Variants in GPM6A observed in about 807,000 individuals in gnomAD.
GPM6A encodes the protein glycoprotein M6A.
Under a neutral mutation model 32.1 loss-of-function variants are expected in GPM6A, and 7 were observed. That is an observed-to-expected ratio of 0.22 (90% CI 0.12 to 0.41). The LOEUF (loss-of-function observed/expected upper bound fraction) is 0.41. Ranked by LOEUF, GPM6A falls within the 10% of genes least tolerant of loss-of-function variation. The pLI, the probability that GPM6A is intolerant of heterozygous loss-of-function variation, is 1.00. For missense variants in GPM6A, 235 were observed against 347.2 expected (o/e 0.68, Z 2.57); for synonymous variants, 130 against 123.4 (o/e 1.05, Z -0.35).
chr4:175,765,743 G>A (rs1732938228), intron 1 of GPM6A, among the ~76,000 whole-genome samples: 1 of 152,152 alleles, frequency 6.6e-6, no homozygotes, highest in Non-Finnish European at 1.5e-5. Context: ...ATTAGTCTCT[G>A]TATGATCTGA....
intron 1 of GPM6A, among the ~76,000 whole-genome samples, chr4:175,818,328 A>G (rs1460653317): frequency 1.3e-5 from 2 of 152,242 alleles, no homozygotes; most frequent in Non-Finnish European, 2.9e-5. Flanking sequence ...TCAGCTGGAA[A>G]GTGTTATCCT....
At position 175,955,549 on chromosome 4, in the gene GPM6A, G is replaced by A. The variant is rs79129274; in HGVS notation, c.-23+46760C>T. ...TGTTAGCTATCATATATTTTCATCAGTACAGAGGTAAGACAAAATCTTTTC... is the reference window on the plus strand; with the variant it reads ...TGTTAGCTATCATATATTTTCATCAATACAGAGGTAAGACAAAATCTTTTC... On this transcript the variant is annotated intron_variant, in intron 1 of 7. Transcript: ENST00000280187. Among the ~76,000 whole-genome samples, 27 of 152,252 alleles carry A rather than the reference G, an allele frequency of 1.8e-4. No individual in the cohort carries two copies. In the East Asian group the frequency reaches 5.2e-3, roughly 29 times the overall value.
chr4:175,963,020 A>G (rs779287208), intron 1 of GPM6A, among the ~76,000 whole-genome samples: 1 of 152,138 alleles, frequency 6.6e-6, no homozygotes, highest in Non-Finnish European at 1.5e-5. Flanking sequence ...AGTGACAGAA[A>G]TGAAGTCTAC....
At chr4:175,672,314 G>A (rs57471486) in intron 3 of GPM6A, among the ~76,000 whole-genome samples, 7,559 of 152,236 alleles carry the variant, frequency 0.05, 215 homozygotes, top group Non-Finnish European at 0.063. Context: ...CTTTAGAAAT[G>A]ATCCTCATTT....
At chr4:175,770,171 C>T (rs1733128639) in intron 1 of GPM6A, among the ~76,000 whole-genome samples, 1 of 152,140 alleles carries the variant, frequency 6.6e-6, no homozygotes, top group Admixed American at 6.5e-5. Context: ...ATATTACAGG[C>T]ATGTGCCACC....
intron 1 of GPM6A, among the ~76,000 whole-genome samples, chr4:175,746,592 C>T (rs1732113849): frequency 6.6e-6 from 1 of 152,122 alleles, no homozygotes; most frequent in African/African-American, 2.4e-5. Flanking sequence ...TCAAGCTCCT[C>T]ATACCCAAAA....
At chr4:175,719,797 C>T (rs1203659148) in intron 1 of GPM6A, among the ~76,000 whole-genome samples, 2 of 152,066 alleles carry the variant, frequency 1.3e-5, no homozygotes, top group African/African-American at 4.8e-5. Flanking sequence ...CTTTAAAAAG[C>T]TAAAACGTAT....
chr4:175,927,334 G>A (rs1281154088), intron 1 of GPM6A, among the ~76,000 whole-genome samples: 1 of 152,230 alleles, frequency 6.6e-6, no homozygotes, highest in Non-Finnish European at 1.5e-5. Context: ...CAGTCACTGT[G>A]AGCTGTGTTT....
intron 1 of GPM6A, among the ~76,000 whole-genome samples, chr4:175,759,204 G>C (rs746324382): frequency 3.7e-4 from 56 of 151,980 alleles, no homozygotes; most frequent in Non-Finnish European, 7.8e-4. Flanking sequence ...GTGTGTAGCT[G>C]TATGGGTTTT....
chr4:175,900,020 C>A (rs1372900492), intron 1 of GPM6A, among the ~76,000 whole-genome samples: 2 of 152,072 alleles, frequency 1.3e-5, no homozygotes, highest in East Asian at 3.9e-4. Context: ...TGACTCACAC[C>A]TGTAATCCCA....
chr4:175,792,042 A>G (rs1734033061), intron 1 of GPM6A, among the ~76,000 whole-genome samples: 1 of 152,214 alleles, frequency 6.6e-6, no homozygotes, highest in South Asian at 2.1e-4. Flanking sequence ...ACATAAAAGA[A>G]TTTATAAAGC....
chr4:175,705,464 C>T (rs1057206009), intron 1 of GPM6A, among the ~76,000 whole-genome samples: 1 of 152,200 alleles, frequency 6.6e-6, no homozygotes, highest in Non-Finnish European at 1.5e-5. Flanking sequence ...ACTATCCCCA[C>T]TCTTCCACAG....
intron 1 of GPM6A, among the ~76,000 whole-genome samples, chr4:175,912,734 C>A (rs1289065508): frequency 6.6e-6 from 1 of 152,090 alleles, no homozygotes; most frequent in Admixed American, 6.6e-5. Flanking sequence ...CCTGGAAATT[C>A]ACATCAACTG....
intron 1 of GPM6A, among the ~76,000 whole-genome samples, chr4:175,998,435 C>T (rs1322404611): frequency 6.6e-6 from 1 of 152,172 alleles, no homozygotes; most frequent in Non-Finnish European, 1.5e-5. Flanking sequence ...AGATTACAGG[C>T]GTGAGCCACC....
intron 2 of GPM6A, among the ~76,000 whole-genome samples, chr4:175,675,125 A>C (rs991918099): frequency 2.6e-5 from 4 of 151,990 alleles, no homozygotes; most frequent in Admixed American, 2.6e-4. Flanking sequence ...CATGTTTTGA[A>C]AACATTCATT....
chr4:175,865,248 A>G (rs1736696317), intron 1 of GPM6A, among the ~76,000 whole-genome samples: 3 of 152,222 alleles, frequency 2.0e-5, no homozygotes, highest in African/African-American at 7.2e-5. Flanking sequence ...TCAACTGGCT[A>G]TATAGATGTG....
intron 1 of GPM6A, among the ~76,000 whole-genome samples, chr4:175,956,521 T>A (rs1739992215): frequency 6.6e-6 from 1 of 152,256 alleles, no homozygotes; most frequent in Non-Finnish European, 1.5e-5. Context: ...ATAGTTAAGC[T>A]GTTTTAATTT....
chr4:175,920,895 T>C (rs551752023), intron 1 of GPM6A, among the ~76,000 whole-genome samples: 1 of 152,176 alleles, frequency 6.6e-6, no homozygotes, highest in East Asian at 1.9e-4. Context: ...ATATTATTGC[T>C]CTTTATTGAA....
intron 1 of GPM6A, among the ~76,000 whole-genome samples, chr4:175,835,589 C>T (rs1735740348): frequency 6.7e-6 from 1 of 148,550 alleles, no homozygotes. Flanking sequence ...ACTTCAACCC[C>T]TTTTAGCATA....
Sources: gnomAD v4.1 joint callset for allele counts (sites outside exome capture counted in the v4.1 genomes callset) on GRCh38, gnomAD v4.1.1 for gene constraint, MANE v1.5 for transcripts, NCBI Gene and HGNC (gene_info 2026-07-23, HGNC 2026-07-21) for gene names.